Variants in HSDL2 observed in about 807,000 individuals in gnomAD.
The protein encoded by HSDL2 is hydroxysteroid dehydrogenase like 2, also known as hydroxysteroid dehydrogenase-like protein 2.
Under a neutral mutation model 46.3 loss-of-function variants are expected in HSDL2, and 27 were observed. The observed-to-expected ratio is 0.58, with a 90% CI of 0.43 to 0.80. The LOEUF (loss-of-function observed/expected upper bound fraction) is 0.80, where lower values mean the gene tolerates loss of function less well. Ranked by LOEUF, HSDL2 falls within the 30% of genes least tolerant of loss-of-function variation. The probability of loss-of-function intolerance (pLI) is 0.00; values close to 1 mark genes in which losing one functional copy is unlikely to be tolerated. For synonymous variants in HSDL2, 153 were observed against 163.6 expected (o/e 0.94, Z 0.50); for missense variants, 451 against 502.7 (o/e 0.90, Z 0.98).
intron 1 of HSDL2, among the ~76,000 whole-genome samples, chr9:112,391,775 C>T (rs1341706120): frequency 6.6e-6 from 1 of 151,326 alleles, no homozygotes; most frequent in Non-Finnish European, 1.5e-5. Context: ...TGTAGTGGCA[C>T]ACGCCTGTAA....
At chr9:112,464,225 GACACAC>G (rs756529908) in intron 10 of HSDL2, among the ~76,000 whole-genome samples, 206 of 4,852 alleles carry the variant, frequency 0.042, no homozygotes, top group Non-Finnish European at 0.06. Context: ...CACACACACA[GACACAC>G]ACACACACAC....
At position 112,415,541 on chromosome 9, in the gene HSDL2, T is replaced by C. The variant is rs375956033; in HGVS notation, c.396-1300T>C. On this transcript the variant is annotated intron_variant, in intron 4 of 10. Transcript: ENST00000398805. ...CTGGTCTGTCTGACTTGAACACTCA[T>C]GTTATTTACCACTGTGCTGACCGAC... 4.6e-5 allele frequency among the ~76,000 whole-genome samples: 7 copies of C among 152,310 alleles called. No individual in the cohort carries two copies. The South Asian group carries it at 6.2e-4, about 14-fold the overall frequency.
intron 6 of HSDL2, among the ~76,000 whole-genome samples, chr9:112,422,136 TATG>T (rs967476733): frequency 1.3e-5 from 2 of 152,200 alleles, no homozygotes; most frequent in African/African-American, 4.8e-5. Flanking sequence ...GTATATCTGA[TATG>T]ATAACTTACT....
At chr9:112,403,282 A>T (rs954530607) in intron 1 of HSDL2, among the ~76,000 whole-genome samples, 9 of 152,270 alleles carry the variant, frequency 5.9e-5, no homozygotes, top group African/African-American at 2.2e-4. Context: ...GTAACCTCTG[A>T]TCTTTCTGTC....
intron 5 of HSDL2, among the ~76,000 whole-genome samples, chr9:112,417,781 TAAA>T (rs34381614): frequency 7.0e-6 from 1 of 143,550 alleles, no homozygotes; most frequent in Non-Finnish European, 1.5e-5. Flanking sequence ...CTTTCATTCT[TAAA>T]AAAAAAAAAA....
chr9:112,416,862 T>A lies in HSDL2; in HGVS notation c.417T>A (p.Tyr139Ter). The change falls in exon 5 of 11, where the codon TAT becomes TAA. Residue 139 changes from tyrosine (Y) to a stop codon, truncating the protein, a stop_gained. Coordinates refer to ENST00000398805, the MANE Select transcript of HSDL2 (RefSeq NM_032303.5). LOFTEE classifies it high-confidence loss of function. Reference protein sequence around the residue: ...TYLASKACIPYLKKSKVAHIL... With the variant: ...TYLASKACIP ...TCAGATCTAAAGCATGTATTCCTTA[T>A]TTGAAAAAGAGCAAAGTTGCTCATA... 6 of 1,584,552 alleles carry A rather than the reference T, an allele frequency of 3.8e-6. No individual in the cohort carries two copies. The highest frequency in any genetic ancestry group is 5.2e-6 in the Non-Finnish European group (6 of 1,153,736).
chr9:112,449,832 C>CAA (rs777800457), intron 8 of HSDL2, among the ~76,000 whole-genome samples: 1 of 142,218 alleles, frequency 7.0e-6, no homozygotes, highest in Non-Finnish European at 1.5e-5. Context: ...AACTCAGTTT[C>CAA]AAAAAAAAAA....
intron 6 of HSDL2, among the ~76,000 whole-genome samples, chr9:112,436,112 C>CA (rs1189252341): frequency 9.4e-4 from 134 of 142,878 alleles, no homozygotes; most frequent in East Asian, 8.2e-3. Context: ...CCATTTCTAC[C>CA]AAAAAAAAAA....
At chr9:112,380,283 G>A (rs1831053746) in intron 1 of HSDL2, 103 bp downstream of exon 1, 1 of 1,168,820 alleles carries the variant, frequency 8.6e-7, no homozygotes, top group Non-Finnish European at 1.2e-6. Flanking sequence ...GGCTGTGGGA[G>A]GTCAAGGATA....
chr9:112,394,751 A>G lies in HSDL2; in HGVS notation c.18-9244A>G, dbSNP rs112542426. ...CCCAGACTTGAGTTTCTAGATGGAT[A>G]CAACCAGGTGGATGTCCGAGGCACA... On this transcript the variant is annotated intron_variant, in intron 1 of 10. Transcript: ENST00000398805. Among the ~76,000 whole-genome samples, 1,065 of 152,294 alleles carry G rather than the reference A, an allele frequency of 7.0e-3. 15 individuals carry two copies. Among genetic ancestry groups the G allele is most frequent in the African/African-American group, 0.024 (1,005 of 41,542 alleles).
intron 8 of HSDL2, among the ~76,000 whole-genome samples, chr9:112,442,268 CAAAAAA>C (rs71382431): frequency 4.2e-5 from 2 of 47,442 alleles, no homozygotes; most frequent in Admixed American, 2.9e-4. Flanking sequence ...GACCCTGTCT[CAAAAAA>C]AAAAAAAAAA....
intron 8 of HSDL2, among the ~76,000 whole-genome samples, chr9:112,453,343 A>G (rs1832933520): frequency 6.6e-6 from 1 of 152,152 alleles, no homozygotes; most frequent in African/African-American, 2.4e-5. Flanking sequence ...TTGACAAAGG[A>G]GTGATTGATT....
chr9:112,402,870 G>C (rs1255761947), intron 1 of HSDL2, among the ~76,000 whole-genome samples: 1 of 152,208 alleles, frequency 6.6e-6, no homozygotes, highest in South Asian at 2.1e-4. Context: ...GCTTGAACCC[G>C]GGAGGCAGAG....
intron 10 of HSDL2, among the ~76,000 whole-genome samples, chr9:112,462,150 T>C (rs1314714814): frequency 6.6e-6 from 1 of 152,172 alleles, no homozygotes; most frequent in African/African-American, 2.4e-5. Context: ...GCCTAATTTA[T>C]GTAGTGGATA....
intron 8 of HSDL2, among the ~76,000 whole-genome samples, 192 bp downstream of exon 8, chr9:112,441,962 A>G (rs1256132392): frequency 2.6e-5 from 4 of 152,102 alleles, no homozygotes; most frequent in African/African-American, 9.7e-5. Context: ...TTCATCTACC[A>G]GTAAGAAGTT....
chr9:112,384,872 T>A (rs572294609), intron 1 of HSDL2, among the ~76,000 whole-genome samples: 1 of 151,866 alleles, frequency 6.6e-6, no homozygotes, highest in African/African-American at 2.4e-5. Context: ...GCATAGCTAG[T>A]GGCCTAGCAG....
chr9:112,451,090 T>C (rs1484113654), intron 8 of HSDL2, among the ~76,000 whole-genome samples: 1 of 152,068 alleles, frequency 6.6e-6, no homozygotes, highest in African/African-American at 2.4e-5. Context: ...TGGTCCCAGC[T>C]ACTCAGGAAG....
chr9:112,386,061 C>G (rs1441629093), intron 1 of HSDL2, among the ~76,000 whole-genome samples: 2 of 151,998 alleles, frequency 1.3e-5, no homozygotes, highest in East Asian at 3.8e-4. Flanking sequence ...GCATGAACCA[C>G]CATGCCTAGG....
chr9:112,418,083 A>G (rs1587943250), intron 5 of HSDL2, among the ~76,000 whole-genome samples: 1 of 152,356 alleles, frequency 6.6e-6, no homozygotes, highest in African/African-American at 2.4e-5. Flanking sequence ...TCTCAAAAAA[A>G]GAAACATATT....
Sources: gnomAD v4.1 joint callset for allele counts (sites outside exome capture counted in the v4.1 genomes callset) on GRCh38, gnomAD v4.1.1 for gene constraint, MANE v1.5 for transcripts, NCBI Gene and HGNC (gene_info 2026-07-23, HGNC 2026-07-21) for gene names.